Variants in TTC23 observed in about 807,000 individuals in gnomAD.
TTC23 encodes the protein tetratricopeptide repeat protein 23.
Under a neutral mutation model 55.1 loss-of-function variants are expected in TTC23, and 58 were observed. The ratio of observed to expected loss-of-function variants is 1.05; its 90% CI spans 0.85 to 1.31. The LOEUF (loss-of-function observed/expected upper bound fraction) is 1.31, where lower values mean the gene tolerates loss of function less well. Ranked by LOEUF, TTC23 falls within the 50% of genes most tolerant of loss-of-function variation. The pLI is 0.00. For synonymous variants in TTC23, 203 were observed against 199.9 expected (o/e 1.02, Z -0.13); for missense variants, 516 against 534.4 (o/e 0.97, Z 0.34).
At chr15:99,180,355 A>C (rs1012063405) in intron 9 of TTC23, among the ~76,000 whole-genome samples, 3 of 152,146 alleles carry the variant, frequency 2.0e-5, no homozygotes, top group African/African-American at 4.8e-5. Flanking sequence ...AAAAAAAAAA[A>C]AAACAAAACT....
chr15:99,218,689 C>A lies in TTC23; in HGVS notation c.480G>T (p.Leu160Phe). Reference protein sequence around the residue: ...LQKFKEAAENLTKAERLSKEL... With the variant: ...LQKFKEAAENFTKAERLSKEL... ...CCTTTGAAAGTCTCTCTGCTTTTGTCAAATTCTCTGCAGCTTCCTTAAATC... is the reference window on the plus strand; with the variant it reads ...CCTTTGAAAGTCTCTCTGCTTTTGTAAAATTCTCTGCAGCTTCCTTAAATC... Residue 160 changes from leucine (L) to phenylalanine (F), a missense_variant, in exon 8 of 14, where the codon TTG becomes TTT. Leu to Phe is a conservative substitution (Grantham distance 22, BLOSUM62 0). Coordinates refer to ENST00000394132, the MANE Select transcript of TTC23 (RefSeq NM_001288615.3). The A allele has an allele frequency of 4.3e-6, 7 of 1,614,130 alleles. No individual in the cohort carries two copies. The highest frequency in any genetic ancestry group is 5.9e-6 in the Non-Finnish European group (7 of 1,180,030).
At chr15:99,198,730 A>G (rs1160632580) in intron 9 of TTC23, among the ~76,000 whole-genome samples, 1 of 152,224 alleles carries the variant, frequency 6.6e-6, no homozygotes, top group Non-Finnish European at 1.5e-5. Flanking sequence ...TAAAAGAGAC[A>G]ATCCAGATAA....
At chr15:99,203,833 C>CT (rs1169186492) in intron 8 of TTC23, among the ~76,000 whole-genome samples, 1 of 152,026 alleles carries the variant, frequency 6.6e-6, no homozygotes, top group African/African-American at 2.4e-5. Context: ...GGATTTCATC[C>CT]TTTTTTAATG....
At chr15:99,221,639 G>C in intron 6 of TTC23, 102 bp downstream of exon 6, 2 of 1,435,800 alleles carry the variant, frequency 1.4e-6, no homozygotes, top group Non-Finnish European at 1.9e-6. Flanking sequence ...TTAGAAAGGA[G>C]AATATTAAAA....
At chr15:99,251,160 C>T (rs1444325304), upstream of TTC23, 1 of 152,226 alleles carries the variant, frequency 6.6e-6, no homozygotes, top group Non-Finnish European at 1.5e-5. Context: ...ATTACCCCTT[C>T]AAGACGCTAA....
intron 6 of TTC23, among the ~76,000 whole-genome samples, chr15:99,219,806 C>T (rs1330573492): frequency 1.3e-5 from 2 of 152,162 alleles, no homozygotes; most frequent in South Asian, 4.1e-4. Context: ...CTCACATACA[C>T]ACAGCCCCCA....
chr15:99,147,025 C>T (rs1448669169), intron 12 of TTC23, among the ~76,000 whole-genome samples: 1 of 151,332 alleles, frequency 6.6e-6, no homozygotes, highest in African/African-American at 2.5e-5. Flanking sequence ...AGCAATTCTC[C>T]TGCCTCAGCC....
At chr15:99,248,217 C>T (rs1370079225) in intron 1 of TTC23, 4 of 152,174 alleles carry the variant, frequency 2.6e-5, no homozygotes, top group Non-Finnish European at 5.9e-5. Flanking sequence ...CAGCATGGGG[C>T]CCCTTAGCTT....
intron 12 of TTC23, among the ~76,000 whole-genome samples, chr15:99,151,089 G>A (rs1404181728): frequency 2.0e-5 from 3 of 152,288 alleles, no homozygotes; most frequent in South Asian, 2.1e-4. Context: ...GGAGGTTACC[G>A]TCTGTAACTC....
At chr15:99,220,758 C>CCAT (rs1008796386) in intron 6 of TTC23, among the ~76,000 whole-genome samples, 1 of 152,316 alleles carries the variant, frequency 6.6e-6, no homozygotes, top group Admixed American at 6.5e-5. Flanking sequence ...ATCACCATTA[C>CCAT]CATCATCATC....
intron 8 of TTC23, among the ~76,000 whole-genome samples, chr15:99,216,206 G>C (rs1397685483): frequency 6.6e-6 from 1 of 152,164 alleles, no homozygotes; most frequent in Non-Finnish European, 1.5e-5. Flanking sequence ...TTGGACTAAA[G>C]AGTAATTTAT....
chr15:99,171,639 G>A (rs753711617), intron 10 of TTC23, among the ~76,000 whole-genome samples: 8 of 134,350 alleles, frequency 6.0e-5, no homozygotes, highest in South Asian at 2.4e-4. Flanking sequence ...CTCGGCTCAC[G>A]GCAACCTCTG....
At chr15:99,163,971 G>A (rs926853427) in intron 10 of TTC23, among the ~76,000 whole-genome samples, 1 of 152,198 alleles carries the variant, frequency 6.6e-6, no homozygotes, top group Non-Finnish European at 1.5e-5. Flanking sequence ...TCTCTAAAAT[G>A]AAGATAAGAA....
chr15:99,239,454 C>T (rs1281288825), intron 3 of TTC23, among the ~76,000 whole-genome samples: 1 of 151,872 alleles, frequency 6.6e-6, no homozygotes, highest in East Asian at 1.9e-4. Flanking sequence ...CATTGCACTC[C>T]AGCCTGGGTG....
intron 9 of TTC23, among the ~76,000 whole-genome samples, chr15:99,176,759 T>C (rs2151935838): frequency 6.6e-6 from 1 of 152,358 alleles, no homozygotes; most frequent in African/African-American, 2.4e-5. Context: ...GTTATCTTCA[T>C]TTTATACATG....
intron 10 of TTC23, among the ~76,000 whole-genome samples, chr15:99,174,706 G>A (rs1414810686): frequency 6.6e-6 from 1 of 152,236 alleles, no homozygotes; most frequent in Non-Finnish European, 1.5e-5. Context: ...AGAGGCCAGA[G>A]CTGTTGCCAC....
At chr15:99,216,613 T>G (rs2077492118) in intron 8 of TTC23, among the ~76,000 whole-genome samples, 1 of 152,158 alleles carries the variant, frequency 6.6e-6, no homozygotes, top group African/African-American at 2.4e-5. Flanking sequence ...AGTGGCTAAG[T>G]CGTATATGAA....
At chr15:99,139,437 G>C in intron 12 of TTC23, 38 bp from the exon 13 acceptor site, 1 of 1,613,682 alleles carries the variant, frequency 6.2e-7, no homozygotes, top group Non-Finnish European at 8.5e-7. Context: ...GGCTATGGAA[G>C]TGTCGCTGAG....
chr15:99,146,234 C>T (rs548803646), intron 12 of TTC23, among the ~76,000 whole-genome samples: 1 of 152,322 alleles, frequency 6.6e-6, no homozygotes, highest in East Asian at 1.9e-4. Flanking sequence ...GTTTCTTTTT[C>T]AAGTGGAGCC....
Sources: allele counts gnomAD v4.1 joint callset (sites outside exome capture counted in the v4.1 genomes callset), GRCh38; gene constraint gnomAD v4.1.1; transcripts MANE v1.5; gene names NCBI Gene and HGNC (gene_info 2026-07-23, HGNC 2026-07-21).